ZBTB20: variants seen among roughly 807,000 people sequenced by gnomAD.
ZBTB20 encodes the protein zinc finger and BTB domain-containing protein 20.
Under a neutral mutation model 56.9 loss-of-function variants are expected in ZBTB20, and 9 were observed. The observed-to-expected ratio is 0.16, with a 90% CI of 0.10 to 0.28. The LOEUF is 0.28. Among genes scored for constraint, ZBTB20 ranks in the 10% least tolerant of loss-of-function variants. The pLI, the probability that ZBTB20 is intolerant of heterozygous loss-of-function variation, is 1.00. For synonymous variants in ZBTB20, 417 were observed against 420.7 expected (o/e 0.99, Z 0.11); for missense variants, 655 against 1,003.0 (o/e 0.65, Z 4.69).
At chr3:115,028,753 G>GA (rs944234804) in intron 2 of ZBTB20, among the ~76,000 whole-genome samples, 1 of 150,384 alleles carries the variant, frequency 6.6e-6, no homozygotes, top group African/African-American at 2.4e-5. Context: ...TGATAGTGCT[G>GA]AAAATGCATG....
intron 6 of ZBTB20, among the ~76,000 whole-genome samples, chr3:114,534,986 A>C (rs2048302118): frequency 6.6e-6 from 1 of 152,218 alleles, no homozygotes; most frequent in Non-Finnish European, 1.5e-5. Context: ...GACACAGCTA[A>C]ACTAATATTT....
intron 6 of ZBTB20, among the ~76,000 whole-genome samples, chr3:114,686,277 T>C (rs2062337998): frequency 6.6e-6 from 1 of 152,166 alleles, no homozygotes. Flanking sequence ...TGGGAAATGT[T>C]TCCAAATGTT....
chr3:114,666,783 A>T (rs1002263041), intron 6 of ZBTB20, among the ~76,000 whole-genome samples: 1 of 151,992 alleles, frequency 6.6e-6, no homozygotes, highest in East Asian at 1.9e-4. Flanking sequence ...CTGTTTTAAA[A>T]CTGTCCATGA....
intron 6 of ZBTB20, among the ~76,000 whole-genome samples, chr3:114,660,032 A>G (rs1232897821): frequency 6.6e-6 from 1 of 152,034 alleles, no homozygotes; most frequent in Admixed American, 6.6e-5. Context: ...ACTTTGAAAA[A>G]TTGTGCCTAC....
chr3:114,826,142 A>T (rs1301413504), intron 4 of ZBTB20, among the ~76,000 whole-genome samples: 1 of 151,802 alleles, frequency 6.6e-6, no homozygotes. Context: ...GAAAGGTTGT[A>T]TACTAAGGTC....
At chr3:115,117,465 C>A (rs1286766016) in intron 1 of ZBTB20, among the ~76,000 whole-genome samples, 2 of 152,088 alleles carry the variant, frequency 1.3e-5, no homozygotes, top group South Asian at 2.1e-4. Context: ...GGAATATTTT[C>A]TGTATAAAGC....
chr3:115,120,952 G>A (rs1416403982), intron 1 of ZBTB20, among the ~76,000 whole-genome samples: 2 of 152,054 alleles, frequency 1.3e-5, no homozygotes, highest in African/African-American at 4.8e-5. Flanking sequence ...AGGAAAAAAA[G>A]AAAGAGATGA....
chr3:114,523,158 G>C (rs893762042), intron 6 of ZBTB20, among the ~76,000 whole-genome samples: 6 of 152,146 alleles, frequency 3.9e-5, no homozygotes, highest in African/African-American at 1.4e-4. Context: ...AACGCCAAGC[G>C]AAGAAAGTGT....
intron 7 of ZBTB20, among the ~76,000 whole-genome samples, chr3:114,451,240 T>C (rs2091588897): frequency 6.6e-6 from 1 of 151,710 alleles, no homozygotes; most frequent in Non-Finnish European, 1.5e-5. Flanking sequence ...TAAAAAAAGT[T>C]TATTAAAGTG....
At chr3:115,137,244 T>C (rs1481994195) in intron 1 of ZBTB20, among the ~76,000 whole-genome samples, 5 of 152,086 alleles carry the variant, frequency 3.3e-5, no homozygotes, top group African/African-American at 1.2e-4. Context: ...ATACAGCTTA[T>C]ATTTGTAATA....
At chr3:114,624,931 C>T (rs1578030557) in intron 6 of ZBTB20, 1 of 152,610 alleles carries the variant, frequency 6.6e-6, no homozygotes, top group East Asian at 1.9e-4. Context: ...CTGGACTGTA[C>T]CGTAAGCAAC....
rs16822762 is a variant in ZBTB20 at position 114,467,147 on chromosome 3, T to C, written c.-255+33205A>G. The stretch of plus-strand genomic sequence containing the variant: ...TTCTAGACTACTCAAAGGATAGCAG[T>C]AGGAGTTTGAGATGTTGTGGGTGAA... On this transcript the variant is annotated intron_variant, in intron 7 of 11. Coordinates refer to ENST00000675478, the MANE Select transcript of ZBTB20 (RefSeq NM_001348800.3). Among the ~76,000 whole-genome samples the C allele has an allele frequency of 8.8e-3, 1,335 of 152,230 alleles. 58 individuals carry two copies. The highest frequency in any genetic ancestry group is 0.066 in the Admixed American group (1,016 of 15,288).
At chr3:114,490,192 G>A (rs1048784594) in intron 7 of ZBTB20, among the ~76,000 whole-genome samples, 3 of 151,932 alleles carry the variant, frequency 2.0e-5, no homozygotes, top group Admixed American at 6.6e-5. Flanking sequence ...TAGTTAATAT[G>A]CTTTCTTACC....
intron 5 of ZBTB20, among the ~76,000 whole-genome samples, chr3:114,733,246 C>T (rs1429452091): frequency 2.6e-5 from 4 of 152,186 alleles, no homozygotes; most frequent in Non-Finnish European, 4.4e-5. Flanking sequence ...CTCACTGGCT[C>T]ATCATGCAGG....
At chr3:115,039,488 G>A (rs1560516286) in intron 2 of ZBTB20, among the ~76,000 whole-genome samples, 2 of 151,916 alleles carry the variant, frequency 1.3e-5, no homozygotes, top group Non-Finnish European at 2.9e-5. Context: ...ATTGCTCACA[G>A]ATGACGTGTT....
rs146546956 is a variant in ZBTB20, at chr3:114,490,224, G to T, written c.-255+10128C>A. 3.2e-3 allele frequency among the ~76,000 whole-genome samples: 487 copies of T among 151,958 alleles called. 1 individual carries two copies. The highest frequency in any genetic ancestry group is 0.011 in the African/African-American group (463 of 41,456). ...TACCCTTCTTATATATATATTTATTGATTGATTGATTTTTTGAGATGGAGT... is the reference window on the plus strand; with the variant it reads ...TACCCTTCTTATATATATATTTATTTATTGATTGATTTTTTGAGATGGAGT... On this transcript the variant is annotated intron_variant, in intron 7 of 11. Transcript: ENST00000675478.
At chr3:114,370,701 G>A (rs1029568604) in intron 10 of ZBTB20, among the ~76,000 whole-genome samples, 6 of 152,280 alleles carry the variant, frequency 3.9e-5, no homozygotes, top group Middle Eastern at 3.4e-3. Flanking sequence ...CTTGGCCAAA[G>A]TGTTTGCTAG....
At chr3:114,495,426 G>C (rs2043178159) in intron 7 of ZBTB20, among the ~76,000 whole-genome samples, 1 of 151,502 alleles carries the variant, frequency 6.6e-6, no homozygotes, top group African/African-American at 2.4e-5. Context: ...ATGTCCCTGA[G>C]GTGTGTATCA....
intron 3 of ZBTB20, among the ~76,000 whole-genome samples, chr3:114,938,072 C>T (rs2076605346): frequency 6.6e-6 from 1 of 151,740 alleles, no homozygotes; most frequent in African/African-American, 2.4e-5. Context: ...GAGCCGAGAA[C>T]GTGCCACTAC....
Sources: gnomAD v4.1 joint callset for allele counts (sites outside exome capture counted in the v4.1 genomes callset) on GRCh38, gnomAD v4.1.1 for gene constraint, MANE v1.5 for transcripts, NCBI Gene and HGNC (gene_info 2026-07-23, HGNC 2026-07-21) for gene names.